DYNLT3: variants seen among roughly 807,000 people sequenced by gnomAD.
The protein encoded by DYNLT3 is dynein light chain Tctex-type 3, also known as protein 91/23.
In DYNLT3, 4 loss-of-function variants were observed where a neutral mutation model predicts 11.0. That is an observed-to-expected ratio of 0.36 (90% CI 0.18 to 0.83). The LOEUF (loss-of-function observed/expected upper bound fraction) is 0.83. Ranked by LOEUF, DYNLT3 falls within the 40% of genes least tolerant of loss-of-function variation. The pLI, the probability that DYNLT3 is intolerant of heterozygous loss-of-function variation, is 0.47. For missense variants in DYNLT3, 91 were observed against 91.1 expected, an observed-to-expected ratio of 1.00 and a Z score of 0.01; for synonymous variants, 37 against 31.2, an observed-to-expected ratio of 1.18 and a Z score of -0.61.
chrX:37,844,775 T>C (rs1304790092), intron 2 of DYNLT3, among the ~76,000 whole-genome samples: 1 of 111,301 alleles, frequency 9.0e-6, no homozygotes, highest in Non-Finnish European at 1.9e-5. Context: ...CTTTAGTTTC[T>C]CCTTCCCTCT....
intron 1 of DYNLT3, 47 bp downstream of exon 1, chrX:37,847,434 A>T (rs772812431): frequency 1.0e-6 from 1 of 1,004,363 alleles, no homozygotes; most frequent in African/African-American, 2.0e-5. Flanking sequence ...CCCCGCGCAG[A>T]GGAAGGCGGG....
rs1402179117 is a variant in DYNLT3 at position 37,839,019 on chromosome X, C to G, written c.*1556G>C. On this transcript the variant is annotated 3_prime_UTR_variant, in exon 5 of 5. Coordinates refer to ENST00000378578, the MANE Select transcript of DYNLT3 (RefSeq NM_006520.3). Reference sequence around the variant, plus strand: ...CACAAAAGCCAGCAGCATAAAGAAACATGAATAATGACTGAGAATTTTTGA... The same window carrying G: ...CACAAAAGCCAGCAGCATAAAGAAAGATGAATAATGACTGAGAATTTTTGA... 1 of 111,598 alleles carries G rather than the reference C, an allele frequency of 9.0e-6. No homozygotes were observed. The highest frequency in any genetic ancestry group is 1.9e-5 in the Non-Finnish European group (1 of 53,132). The allele number at this position is 111,598 out of a possible 1,213,427, so 9.2% of individuals were successfully genotyped here. A position where few individuals can be genotyped will look rare whatever the true frequency, so the allele number is the denominator to read the frequency against.
rs1930132958 is a variant in DYNLT3 at position 37,840,757 on chromosome X, C to CAA, written c.275-107_275-106insTT. The CAA allele has an allele frequency of 4.2e-5, 12 of 283,313 alleles. No homozygotes were observed. The African/African-American group carries it at 5.1e-4, about 12-fold the overall frequency. The allele number at this position is 283,313 out of a possible 1,213,427, so 23.3% of individuals were successfully genotyped here. ...ACACACACACACACACATATACACA[C>CAA]ACACACACACACACACACACACACA... On this transcript the variant is annotated intron_variant, in intron 4 of 4. Coordinates refer to ENST00000378578, the MANE Select transcript of DYNLT3 (RefSeq NM_006520.3).
chrX:37,842,325 A>T (rs1267924419), intron 2 of DYNLT3, among the ~76,000 whole-genome samples: 1 of 111,987 alleles, frequency 8.9e-6, no homozygotes, highest in East Asian at 2.8e-4. Context: ...TGGGATTTGA[A>T]CTAGGGCTCA....
In DYNLT3 at chrX:37,841,867, GTGATTATAATC is replaced by G; in HGVS notation, c.100_110del (p.Asp34GlnfsTer20). 4 of 1,157,805 alleles carry G rather than the reference GTGATTATAATC, an allele frequency of 3.5e-6. No individual in the cohort carries two copies. The highest frequency in any genetic ancestry group is 4.7e-6 in the Non-Finnish European group (4 of 858,677). On this transcript the variant is annotated frameshift_variant, in exon 3 of 5. Coordinates refer to ENST00000378578, the MANE Select transcript of DYNLT3 (RefSeq NM_006520.3). LOFTEE classifies it high-confidence loss of function. ...TTGCAGTCCACTGGTTGATGTTGTTGTGATTATAATCTTCACCACCTAAAACCCCATCTACA... is the reference window on the plus strand; with the variant it reads ...TTGCAGTCCACTGGTTGATGTTGTTGTTCACCACCTAAAACCCCATCTACA...
intron 2 of DYNLT3, among the ~76,000 whole-genome samples, chrX:37,842,709 A>G (rs1377705893): frequency 8.9e-6 from 1 of 111,785 alleles, no homozygotes; most frequent in Non-Finnish European, 1.9e-5. Flanking sequence ...TAATCCTTAT[A>G]GTAAGGATAA....
rs1409661563 is a variant in DYNLT3 at position 37,839,467 on chromosome X, T to G, written c.*1108A>C. 8.9e-6 allele frequency: 1 copy of G among 112,355 alleles called. No homozygotes were observed. The highest frequency in any genetic ancestry group is 3.2e-5 in the African/African-American group (1 of 30,870). 9.3% of individuals were successfully genotyped at this position (112,355 alleles called of 1,213,427 possible). A position where few individuals can be genotyped will look rare whatever the true frequency, so the allele number is the denominator to read the frequency against. ...CTCAATTTGAACCCCACATAATAAG[T>G]CTTTTAAGTTATTTACAGATGGTTG... On this transcript the variant is annotated 3_prime_UTR_variant, in exon 5 of 5. Transcript: ENST00000378578.
chrX:37,846,037 G>T (rs746826447), intron 2 of DYNLT3, among the ~76,000 whole-genome samples: 2 of 111,504 alleles, frequency 1.8e-5, no homozygotes, highest in Non-Finnish European at 3.8e-5. Flanking sequence ...TGGGTGTGGT[G>T]GCGGGCGCCT....
chrX:37,847,129 G>A, intron 1 of DYNLT3: 1 of 1,155,125 alleles, frequency 8.7e-7, no homozygotes, highest in South Asian at 1.9e-5. Flanking sequence ...CCAAGGGACG[G>A]AGGCAGCAGC....
chrX:37,840,759 C>CATAT, intron 4 of DYNLT3, 108 bp from the exon 5 acceptor site: 1 of 282,325 alleles, frequency 3.5e-6, no homozygotes, highest in South Asian at 9.9e-5. Context: ...TATACACACA[C>CATAT]ACACACACAC....
In DYNLT3 at chrX:37,841,114, A is replaced by G. The variant is rs754790032; in HGVS notation, c.197-9T>C. 3 of 1,199,500 alleles carry G rather than the reference A, an allele frequency of 2.5e-6. No individual in the cohort carries two copies. The highest frequency in any genetic ancestry group is 3.4e-6 in the Non-Finnish European group (3 of 887,874). On this transcript the variant is annotated splice_polypyrimidine_tract_variant and intron_variant, in intron 3 of 4. Coordinates refer to ENST00000378578, the MANE Select transcript of DYNLT3 (RefSeq NM_006520.3). ...GACCACTGCACAGGTCACTGCAAAT[A>G]AAGTCACAGAATGAGGGCACTTACA...
At chrX:37,847,397 C>A in intron 1 of DYNLT3, 84 bp downstream of exon 1, 1 of 997,133 alleles carries the variant, frequency 1.0e-6, no homozygotes, top group Non-Finnish European at 1.3e-6. Context: ...TTGGGACCGC[C>A]CTCGCTGGGA....
Position 37,841,816 on chromosome X carries a change from G to C in DYNLT3, c.162C>G (p.His54Gln). 5 of 1,174,106 alleles carry C rather than the reference G, an allele frequency of 4.3e-6. No individual in the cohort carries two copies. Among genetic ancestry groups the C allele is most frequent in the Non-Finnish European group, 4.6e-6 (4 of 869,422 alleles). Residue 54 changes from histidine (H) to glutamine (Q), a missense_variant, in exon 3 of 5, where the codon CAC becomes CAG. Coordinates refer to ENST00000378578, the MANE Select transcript of DYNLT3 (RefSeq NM_006520.3). Reference protein sequence around the residue: ...TASIVEQSLTHLVKLGKAYKY... With the variant: ...TASIVEQSLTQLVKLGKAYKY... ...TATAGGCTTTTCCCAACTTAACCAGGTGTGTTAAGGATTGTTCCACTATGC... is the reference window on the plus strand; with the variant it reads ...TATAGGCTTTTCCCAACTTAACCAGCTGTGTTAAGGATTGTTCCACTATGC...
Position 37,847,134 on chromosome X carries a change from A to G in DYNLT3, c.30+347T>C, listed in dbSNP as rs1195990132. ...GCTGAGGAAGCCAAGGGACGGAGGC[A>G]GCAGCGGGAAGACCCGTTTTCGAGG... On this transcript the variant is annotated intron_variant, in intron 1 of 4. Coordinates refer to ENST00000378578, the MANE Select transcript of DYNLT3 (RefSeq NM_006520.3). The G allele has an allele frequency of 7.0e-6, 8 of 1,149,676 alleles. No homozygotes were observed. In the South Asian group the frequency reaches 7.9e-5, roughly 11 times the overall value. 94.7% of individuals were successfully genotyped at this position (1,149,676 alleles called of 1,213,427 possible). A position where few individuals can be genotyped will look rare whatever the true frequency, so the allele number is the denominator to read the frequency against.
chrX:37,846,122 G>C (rs1018138985), intron 2 of DYNLT3, among the ~76,000 whole-genome samples, 195 bp downstream of exon 2: 1 of 112,179 alleles, frequency 8.9e-6, no homozygotes, highest in African/African-American at 3.2e-5. Flanking sequence ...AGTGAGCTGA[G>C]ATCACACCAC....
intron 1 of DYNLT3, 73 bp downstream of exon 1, chrX:37,847,408 G>T (rs1427295899): frequency 2.0e-6 from 2 of 1,004,665 alleles, no homozygotes; most frequent in African/African-American, 2.0e-5. Flanking sequence ...CTCGCTGGGA[G>T]ACCACCCGGC....
At chrX:37,841,961 A>AT in intron 2 of DYNLT3, 56 bp from the exon 3 acceptor site, 1 of 998,688 alleles carries the variant, frequency 1.0e-6, no homozygotes, top group Middle Eastern at 2.8e-4. Flanking sequence ...AAAAAGAACA[A>AT]TTTTTACACA....
At chrX:37,844,348 T>G (rs2146835621) in intron 2 of DYNLT3, among the ~76,000 whole-genome samples, 1 of 111,861 alleles carries the variant, frequency 8.9e-6, no homozygotes, top group African/African-American at 3.2e-5. Flanking sequence ...CCATCCCCAG[T>G]CCCATTCCCC....
At chrX:37,841,257 A>T (rs1335110270) in intron 3 of DYNLT3, 152 bp from the exon 4 acceptor site, 2 of 405,318 alleles carry the variant, frequency 4.9e-6, no homozygotes, top group Non-Finnish European at 8.3e-6. Context: ...CAGCAAATAG[A>T]TTGAAAAAAA....
Sources: allele counts gnomAD v4.1 joint callset (sites outside exome capture counted in the v4.1 genomes callset), GRCh38; gene constraint gnomAD v4.1.1; transcripts MANE v1.5; gene names NCBI Gene and HGNC (gene_info 2026-07-23, HGNC 2026-07-21).